The following TENM1 variants were observed in gnomAD, a reference collection of about 807,000 sequenced individuals.
TENM1 encodes the protein teneurin transmembrane protein 1.
Under a neutral mutation model 174.8 loss-of-function variants are expected in TENM1, and 35 were observed. The ratio of observed to expected loss-of-function variants is 0.20; its 90% CI spans 0.15 to 0.27. The LOEUF (loss-of-function observed/expected upper bound fraction) is 0.27, where lower values mean the gene tolerates loss of function less well. TENM1 is among the 10% of genes least tolerant of loss of function. The pLI is 1.00. For synonymous variants in TENM1, 781 were observed against 798.7 expected (o/e 0.98, Z 0.37); for missense variants, 1,633 against 2,130.1 (o/e 0.77, Z 4.59).
intron 25 of TENM1, among the ~76,000 whole-genome samples, chrX:124,418,091 T>G (rs1441934320): frequency 8.9e-6 from 1 of 112,571 alleles, no homozygotes; most frequent in Non-Finnish European, 1.9e-5. Flanking sequence ...TTTTAAAAAA[T>G]GAAAGTTGGC....
chrX:124,465,132 A>T (rs2061227320), intron 22 of TENM1, among the ~76,000 whole-genome samples: 1 of 112,561 alleles, frequency 8.9e-6, no homozygotes, highest in African/African-American at 3.2e-5. Flanking sequence ...TAGTGAGTAG[A>T]AAAGCTGAGC....
intron 23 of TENM1, among the ~76,000 whole-genome samples, chrX:124,423,324 G>A (rs1162186813): frequency 2.7e-5 from 3 of 111,827 alleles, no homozygotes; most frequent in South Asian, 7.5e-4. Flanking sequence ...CACTCCATAG[G>A]TTCCCCTTTT....
intron 6 of TENM1, among the ~76,000 whole-genome samples, chrX:124,659,136 C>T (rs2051526358): frequency 9.0e-6 from 1 of 111,673 alleles, no homozygotes. Context: ...CAAATGGGTA[C>T]ATGAAGTAGC....
At chrX:124,499,982 C>T (rs1329209715) in intron 19 of TENM1, among the ~76,000 whole-genome samples, 1 of 111,266 alleles carries the variant, frequency 9.0e-6, no homozygotes, top group Non-Finnish European at 1.9e-5. Flanking sequence ...GTATAGTTAA[C>T]AATTACCCTC....
intron 23 of TENM1, among the ~76,000 whole-genome samples, chrX:124,430,190 T>C (rs758469986): frequency 2.7e-5 from 3 of 111,997 alleles, no homozygotes; most frequent in Non-Finnish European, 5.6e-5. Flanking sequence ...CTGATCCAGA[T>C]AGACATAGTC....
intron 3 of TENM1, among the ~76,000 whole-genome samples, chrX:124,763,308 A>G (rs1049213192): frequency 1.8e-5 from 2 of 111,593 alleles, no homozygotes; most frequent in Admixed American, 9.6e-5. Flanking sequence ...AGAAGTAAAT[A>G]TAACAATTAA....
intron 14 of TENM1, among the ~76,000 whole-genome samples, chrX:124,557,556 A>T (rs1389374670): frequency 1.8e-5 from 2 of 110,910 alleles, no homozygotes; most frequent in African/African-American, 6.5e-5. Flanking sequence ...GGTATGAATT[A>T]AAAAATCTAA....
chrX:124,520,200 CA>C (rs1034892257), intron 18 of TENM1, among the ~76,000 whole-genome samples: 2 of 111,878 alleles, frequency 1.8e-5, no homozygotes, highest in African/African-American at 3.2e-5. Flanking sequence ...AATCCAAAAA[CA>C]TGGCCTTATA....
intron 3 of TENM1, among the ~76,000 whole-genome samples, chrX:124,858,164 A>G: frequency 8.9e-6 from 1 of 112,588 alleles, no homozygotes; most frequent in Non-Finnish European, 1.9e-5. Flanking sequence ...GTCCTTTGAC[A>G]AATGTTTGTA....
intron 11 of TENM1, among the ~76,000 whole-genome samples, chrX:124,578,079 C>A (rs776943190): frequency 1.0e-5 from 1 of 99,849 alleles, no homozygotes; most frequent in African/African-American, 3.8e-5. Flanking sequence ...ACACATGCCA[C>A]CATGCCCAGC....
intron 1 of TENM1, among the ~76,000 whole-genome samples, chrX:124,916,509 C>T (rs186555520): frequency 7.7e-4 from 86 of 111,331 alleles, no homozygotes; most frequent in Middle Eastern, 4.6e-3. Flanking sequence ...ATGGGGGTCT[C>T]ACTTTGTTTT....
intron 3 of TENM1, among the ~76,000 whole-genome samples, chrX:124,777,601 A>G (rs928120296): frequency 8.9e-6 from 1 of 111,951 alleles, no homozygotes; most frequent in Non-Finnish European, 1.9e-5. Flanking sequence ...ATTTTATTCA[A>G]TTCCATTTTA....
the TENM1 span, among the ~76,000 whole-genome samples, chrX:125,056,491 G>A: frequency 3.6e-5 from 4 of 111,216 alleles, no homozygotes; most frequent in Admixed American, 3.8e-4. Flanking sequence ...TGTACCACTG[G>A]TAATTAAAGA....
the TENM1 span, among the ~76,000 whole-genome samples, chrX:125,144,368 A>G: frequency 6.3e-4 from 70 of 111,855 alleles, no homozygotes; most frequent in African/African-American, 2.1e-3. Context: ...TTCCAAAATG[A>G]TTATGAAAAG....
chrX:125,041,684 G>A, the TENM1 span, among the ~76,000 whole-genome samples: 729 of 111,788 alleles, frequency 6.5e-3, 5 homozygotes, highest in Middle Eastern at 0.028. Flanking sequence ...TACTTGCTTT[G>A]GACATTTGCA....
chrX:125,110,668 T>A, the TENM1 span, among the ~76,000 whole-genome samples: 252 of 111,473 alleles, frequency 2.3e-3, 2 homozygotes, highest in African/African-American at 7.8e-3. Flanking sequence ...TTCTGTAGCT[T>A]AAAATTGTTT....
At chrX:124,639,159 A>G (rs748053762) in intron 11 of TENM1, among the ~76,000 whole-genome samples, 9 of 111,848 alleles carry the variant, frequency 8.0e-5, no homozygotes, top group Non-Finnish European at 1.3e-4. Context: ...TAGTGTGTAA[A>G]TAAAACTCCC....
intron 22 of TENM1, among the ~76,000 whole-genome samples, chrX:124,478,475 C>T (rs754030556): frequency 9.4e-6 from 1 of 105,902 alleles, no homozygotes; most frequent in Admixed American, 9.6e-5. Flanking sequence ...ATCTCAAAAG[C>T]AAATTTTATT....
At chrX:124,805,086 C>G (rs1473798075) in intron 3 of TENM1, among the ~76,000 whole-genome samples, 1 of 111,593 alleles carries the variant, frequency 9.0e-6, no homozygotes, top group East Asian at 2.8e-4. Flanking sequence ...GGTAAATATG[C>G]TAGCTGCTTT....
Sources: gnomAD v4.1 joint callset for allele counts (sites outside exome capture counted in the v4.1 genomes callset) on GRCh38, gnomAD v4.1.1 for gene constraint, MANE v1.5 for transcripts, NCBI Gene and HGNC (gene_info 2026-07-23, HGNC 2026-07-21) for gene names.